Variants in GPC6 observed in about 807,000 individuals in gnomAD.
GPC6 encodes glypican 6, also known as glypican-6.
In GPC6, 14 loss-of-function variants were observed where a neutral mutation model predicts 55.2. The ratio of observed to expected loss-of-function variants is 0.25; its 90% CI spans 0.17 to 0.40. GPC6 has a LOEUF of 0.40. Among genes scored for constraint, GPC6 ranks in the 10% least tolerant of loss-of-function variants. The probability of loss-of-function intolerance (pLI) is 1.00; values close to 1 mark genes in which losing one functional copy is unlikely to be tolerated. For missense variants in GPC6, 641 were observed against 708.5 expected (o/e 0.90, Z 1.08); for synonymous variants, 278 against 259.6 (o/e 1.07, Z -0.68).
chr13:93,738,873 TG>T (rs755554264), intron 2 of GPC6, among the ~76,000 whole-genome samples: 54 of 152,128 alleles, frequency 3.5e-4, no homozygotes, highest in Admixed American at 1.3e-4. Context: ...AACCTGTTTT[TG>T]TTTTAGTCTG....
At chr13:94,062,401 C>T (rs2138769909) in intron 4 of GPC6, among the ~76,000 whole-genome samples, 1 of 152,222 alleles carries the variant, frequency 6.6e-6, no homozygotes, top group African/African-American at 2.4e-5. Flanking sequence ...CAGGCATGTG[C>T]CACCATGCCT....
chr13:93,293,513 AT>A lies in GPC6; in HGVS notation c.160+65898del, dbSNP rs1878383534. ...GAAATTAAACTTGTGATTTGTGAAA[AT>A]GTAAGATTATCTGAGTAATGGACAA... On this transcript the variant is annotated intron_variant, in intron 1 of 8. Transcript: ENST00000377047. Among the ~76,000 whole-genome samples the A allele has an allele frequency of 2.0e-5, 3 of 151,648 alleles. No individual in the cohort carries two copies. The East Asian group carries it at 5.9e-4, about 30-fold the overall frequency.
At chr13:94,191,413 A>C (rs1889389761) in intron 4 of GPC6, among the ~76,000 whole-genome samples, 1 of 152,138 alleles carries the variant, frequency 6.6e-6, no homozygotes, top group African/African-American at 2.4e-5. Flanking sequence ...GTCAAGTTTG[A>C]GTTGAAGGCA....
chr13:93,275,643 C>T (rs932915209), intron 1 of GPC6, among the ~76,000 whole-genome samples: 5 of 152,116 alleles, frequency 3.3e-5, no homozygotes, highest in Non-Finnish European at 7.3e-5. Flanking sequence ...TCTCCCTGTC[C>T]TCAATGGGGT....
chr13:93,714,195 A>C (rs1883169536), intron 2 of GPC6, among the ~76,000 whole-genome samples: 1 of 152,060 alleles, frequency 6.6e-6, no homozygotes, highest in African/African-American at 2.4e-5. Context: ...TCATTCAACA[A>C]AAATCTAACA....
chr13:94,272,017 T>G (rs1371837523), intron 4 of GPC6, among the ~76,000 whole-genome samples: 1 of 152,118 alleles, frequency 6.6e-6, no homozygotes, highest in Non-Finnish European at 1.5e-5. Flanking sequence ...CATATTGTGT[T>G]TTTTTTATTT....
intron 1 of GPC6, among the ~76,000 whole-genome samples, chr13:93,505,826 T>C (rs186295786): frequency 1.3e-5 from 2 of 152,298 alleles, no homozygotes; most frequent in Admixed American, 1.3e-4. Context: ...CACAGGTTAG[T>C]GAATGACTAT....
At chr13:94,040,706 G>A (rs1368375435) in intron 4 of GPC6, among the ~76,000 whole-genome samples, 2 of 151,778 alleles carry the variant, frequency 1.3e-5, no homozygotes, top group East Asian at 3.9e-4. Flanking sequence ...GAGCCTATAG[G>A]CTGCATTCAG....
chr13:93,262,775 A>G (rs1877194917), intron 1 of GPC6, among the ~76,000 whole-genome samples: 1 of 152,096 alleles, frequency 6.6e-6, no homozygotes, highest in Non-Finnish European at 1.5e-5. Flanking sequence ...TTTAGCTGCT[A>G]CCAGTGGACT....
intron 2 of GPC6, among the ~76,000 whole-genome samples, chr13:93,636,131 G>A (rs546369444): frequency 3.3e-5 from 5 of 152,252 alleles, no homozygotes; most frequent in African/African-American, 1.2e-4. Context: ...CTGGAAAAGT[G>A]TTGTAAAGGT....
At chr13:93,487,161 C>T (rs1237283944) in intron 1 of GPC6, among the ~76,000 whole-genome samples, 3 of 152,154 alleles carry the variant, frequency 2.0e-5, no homozygotes, top group African/African-American at 7.2e-5. Flanking sequence ...TTCATAACAT[C>T]ACAGTCCAAA....
intron 1 of GPC6, among the ~76,000 whole-genome samples, chr13:93,258,269 C>T (rs1003815526): frequency 6.6e-6 from 1 of 152,142 alleles, no homozygotes; most frequent in Admixed American, 6.6e-5. Flanking sequence ...GCTTTGGCTA[C>T]TTGTAACACA....
At chr13:93,511,242 T>C (rs1023146421) in intron 1 of GPC6, among the ~76,000 whole-genome samples, 43 of 151,274 alleles carry the variant, frequency 2.8e-4, no homozygotes, top group African/African-American at 9.7e-4. Context: ...TCTTTTAAGG[T>C]CTTAGTCGTA....
intron 4 of GPC6, among the ~76,000 whole-genome samples, chr13:94,257,614 C>A (rs1159863308): frequency 1.3e-5 from 2 of 152,124 alleles, no homozygotes; most frequent in Non-Finnish European, 1.5e-5. Context: ...TAGACCAAAG[C>A]GAGCCTCTAG....
At chr13:93,498,243 T>A (rs1468114973) in intron 1 of GPC6, among the ~76,000 whole-genome samples, 1 of 152,222 alleles carries the variant, frequency 6.6e-6, no homozygotes, top group Non-Finnish European at 1.5e-5. Flanking sequence ...CCTTTGGATG[T>A]CTTTCCCAGC....
intron 3 of GPC6, among the ~76,000 whole-genome samples, chr13:93,985,955 G>A (rs1186085918): frequency 6.6e-5 from 10 of 151,914 alleles, no homozygotes; most frequent in African/African-American, 2.4e-4. Context: ...TTTTTCACCA[G>A]TTGTGACATT....
intron 4 of GPC6, among the ~76,000 whole-genome samples, chr13:94,246,874 A>G (rs1566589164): frequency 2.6e-5 from 4 of 151,908 alleles, no homozygotes. Flanking sequence ...TTCTATATGA[A>G]TTTTAGGATT....
At chr13:93,441,987 C>T (rs1193395807) in intron 1 of GPC6, among the ~76,000 whole-genome samples, 1 of 152,122 alleles carries the variant, frequency 6.6e-6, no homozygotes, top group Non-Finnish European at 1.5e-5. Flanking sequence ...CATGATGGTT[C>T]TCTGCTGGAT....
chr13:93,268,822 G>A (rs1053391726), intron 1 of GPC6, among the ~76,000 whole-genome samples: 2 of 152,066 alleles, frequency 1.3e-5, no homozygotes, highest in Non-Finnish European at 2.9e-5. Flanking sequence ...CTGACCACAA[G>A]CCCCTGTGTC....
Sources: gnomAD v4.1 joint callset for allele counts (sites outside exome capture counted in the v4.1 genomes callset) on GRCh38, gnomAD v4.1.1 for gene constraint, MANE v1.5 for transcripts, NCBI Gene and HGNC (gene_info 2026-07-23, HGNC 2026-07-21) for gene names.